PINX1: variants seen among roughly 807,000 people sequenced by gnomAD.
PINX1 encodes the protein PIN2/TERF1-interacting telomerase inhibitor 1.
Under a neutral mutation model 25.4 loss-of-function variants are expected in PINX1, and 34 were observed. That is an observed-to-expected ratio of 1.34 (90% CI 1.02 to 1.78). The LOEUF (loss-of-function observed/expected upper bound fraction) is 1.78, where lower values mean the gene tolerates loss of function less well. PINX1 is among the 40% of genes most tolerant of loss of function. The pLI is 0.00. For missense variants in PINX1, 592 were observed against 404.9 expected, an observed-to-expected ratio of 1.46 and a Z score of -3.97; for synonymous variants, 197 against 147.7, an observed-to-expected ratio of 1.33 and a Z score of -2.42.
intron 6 of PINX1, among the ~76,000 whole-genome samples, chr8:10,792,867 A>G (rs1196397852): frequency 6.6e-6 from 1 of 152,160 alleles, no homozygotes; most frequent in African/African-American, 2.4e-5. Context: ...TAGTGTGAGT[A>G]TACACAATAC....
chr8:10,836,759 A>C (rs1009121184), intron 1 of PINX1, among the ~76,000 whole-genome samples: 3 of 152,150 alleles, frequency 2.0e-5, no homozygotes, highest in African/African-American at 7.2e-5. Flanking sequence ...ATATGGAAGA[A>C]TCTCCCGGAA....
chr8:10,839,794 G>A lies in PINX1; in HGVS notation c.-38C>T, dbSNP rs1798515874. 1 of 1,592,216 alleles carries A rather than the reference G, an allele frequency of 6.3e-7. No individual in the cohort carries two copies. The highest frequency in any genetic ancestry group is 8.6e-7 in the Non-Finnish European group (1 of 1,168,022). ...GTGATACCGCCGCCTCTGGACCTGGGTGACTGCGGCCACTGGGCGGGCTGG... is the reference window on the plus strand; with the variant it reads ...GTGATACCGCCGCCTCTGGACCTGGATGACTGCGGCCACTGGGCGGGCTGG... On this transcript the variant is annotated 5_prime_UTR_variant, in exon 1 of 7. Transcript: ENST00000314787.
intron 1 of PINX1, among the ~76,000 whole-genome samples, chr8:10,837,375 G>C (rs1002077218): frequency 6.6e-6 from 1 of 152,218 alleles, no homozygotes; most frequent in South Asian, 2.1e-4. Flanking sequence ...GCCTGGCTTA[G>C]CCTGGACTTT....
intron 1 of PINX1, among the ~76,000 whole-genome samples, chr8:10,838,178 T>C (rs1313831866): frequency 6.6e-6 from 1 of 152,276 alleles, no homozygotes; most frequent in Non-Finnish European, 1.5e-5. Flanking sequence ...TCTTGAATCA[T>C]TCTTTGCTCA....
chr8:10,813,658 A>G (rs941405557), intron 6 of PINX1, among the ~76,000 whole-genome samples: 5 of 152,232 alleles, frequency 3.3e-5, no homozygotes, highest in Non-Finnish European at 7.3e-5. Context: ...TTGATTTGGT[A>G]TCCTGGGAGA....
In PINX1 at chr8:10,765,674, T is replaced by G; in HGVS notation, c.714A>C (p.Gly238=). The G allele has an allele frequency of 1.2e-6, 2 of 1,614,036 alleles. No homozygotes were observed. Among genetic ancestry groups the G allele is most frequent in the Admixed American group, 3.3e-5 (2 of 60,030 alleles). ...LQPKAKRHTE[G]KPERAEAQER... The stretch of plus-strand genomic sequence containing the variant: ...CCTGGGCCTCGGCCCTCTCGGGCTT[T>G]CCCTCCGTGTGCCTCTTGGCCTTAG... The change falls in exon 7 of 7, where the codon GGA becomes GGC. Residue 238 remains glycine, a synonymous_variant. Transcript: ENST00000314787.
intron 6 of PINX1, among the ~76,000 whole-genome samples, chr8:10,782,423 A>AC (rs1453921742): frequency 1.4e-5 from 2 of 143,162 alleles, no homozygotes; most frequent in African/African-American, 5.0e-5. Context: ...TACTCGATAA[A>AC]AAAAAAAATT....
chr8:10,799,440 C>T (rs1311355680), intron 6 of PINX1, among the ~76,000 whole-genome samples: 1 of 152,200 alleles, frequency 6.6e-6, no homozygotes, highest in African/African-American at 2.4e-5. Context: ...TTCCATCCTT[C>T]TTCTGCCTGG....
At chr8:10,781,249 A>G (rs984791981) in intron 6 of PINX1, among the ~76,000 whole-genome samples, 1 of 152,232 alleles carries the variant, frequency 6.6e-6, no homozygotes, top group Non-Finnish European at 1.5e-5. Context: ...TTAAACTCCC[A>G]GAAGAAAACA....
Position 10,777,070 on chromosome 8 carries a change from C to G in PINX1, c.472-11154G>C, listed in dbSNP as rs1368439187. On this transcript the variant is annotated intron_variant, in intron 6 of 6. Coordinates refer to ENST00000314787, the MANE Select transcript of PINX1 (RefSeq NM_017884.6). The stretch of plus-strand genomic sequence containing the variant: ...ACCACTTGCTTCATCTGTCAACAAA[C>G]AAAAAGCCAAATCTAATCCTTTCAG... Among the ~76,000 whole-genome samples, 5 of 152,218 alleles carry G rather than the reference C, an allele frequency of 3.3e-5. No individual in the cohort carries two copies. The East Asian group carries it at 7.7e-4, about 23-fold the overall frequency.
intron 6 of PINX1, among the ~76,000 whole-genome samples, chr8:10,795,238 G>C (rs1204124824): frequency 2.0e-5 from 3 of 152,210 alleles, no homozygotes; most frequent in Non-Finnish European, 4.4e-5. Context: ...CCTCTGCCAA[G>C]TTCAGTTCAT....
intron 4 of PINX1, among the ~76,000 whole-genome samples, chr8:10,829,956 T>C (rs767558799): frequency 1.3e-5 from 2 of 152,228 alleles, no homozygotes; most frequent in Non-Finnish European, 2.9e-5. Context: ...AGTGCTGGTA[T>C]TACACCGTGC....
At chr8:10,777,116 G>T (rs1361668552) in intron 6 of PINX1, among the ~76,000 whole-genome samples, 1 of 152,192 alleles carries the variant, frequency 6.6e-6, no homozygotes, top group Non-Finnish European at 1.5e-5. Context: ...TCCTGGTGAA[G>T]CTCTAACCAA....
At chr8:10,802,449 T>G (rs1481675996) in intron 6 of PINX1, among the ~76,000 whole-genome samples, 1 of 152,232 alleles carries the variant, frequency 6.6e-6, no homozygotes, top group Admixed American at 6.5e-5. Flanking sequence ...ATCCCAGGCC[T>G]GGAATAGCTT....
chr8:10,806,394 CA>C (rs1272255540), intron 6 of PINX1, among the ~76,000 whole-genome samples: 1 of 150,218 alleles, frequency 6.7e-6, no homozygotes, highest in Non-Finnish European at 1.5e-5. Flanking sequence ...GAGGAGCAAA[CA>C]GAGTAAGTTT....
Position 10,826,158 on chromosome 8 carries a change from T to C in PINX1, c.388A>G (p.Thr130Ala), listed in dbSNP as rs750600531. 6 of 1,534,618 alleles carry C rather than the reference T, an allele frequency of 3.9e-6. No individual in the cohort carries two copies. The highest frequency in any genetic ancestry group is 5.4e-6 in the Non-Finnish European group (6 of 1,116,104). ...SKNRVHYMKF[T>A]KGKDLSSRSK... The stretch of plus-strand genomic sequence containing the variant: ...AAGAAATGCTTAATCTTACCTTTTG[T>C]GAATTTCATATAGTGAACACGGTTT... Residue 130 changes from threonine (T) to alanine (A), a missense_variant, in exon 5 of 7, where the codon ACA becomes GCA. By Grantham distance (58) the Thr-to-Ala change is moderately conservative. Transcript: ENST00000314787.
At chr8:10,773,933 C>T (rs1414500146) in intron 6 of PINX1, among the ~76,000 whole-genome samples, 4 of 152,220 alleles carry the variant, frequency 2.6e-5, no homozygotes, top group African/African-American at 9.7e-5. Flanking sequence ...GAGGCTCCTC[C>T]AGAGCTGGAG....
chr8:10,789,193 T>C lies in PINX1; in HGVS notation c.472-23277A>G, dbSNP rs114562143. On this transcript the variant is annotated intron_variant, in intron 6 of 6. Transcript: ENST00000314787. The stretch of plus-strand genomic sequence containing the variant: ...CTCCAAGGCTGACGGTAACTGACCA[T>C]GTAACTACAGTGTAACTGAGGGGAC... 3.4e-3 allele frequency among the ~76,000 whole-genome samples: 514 copies of C among 152,288 alleles called. 3 individuals are homozygous for C. The highest frequency in any genetic ancestry group is 0.012 in the African/African-American group (480 of 41,556).
At chr8:10,786,543 T>C (rs1456558970) in intron 6 of PINX1, among the ~76,000 whole-genome samples, 2 of 152,146 alleles carry the variant, frequency 1.3e-5, no homozygotes, top group African/African-American at 4.8e-5. Context: ...TCCAGCCTAC[T>C]TTAGGAAAAT....
Sources: gnomAD v4.1 joint callset for allele counts (sites outside exome capture counted in the v4.1 genomes callset) on GRCh38, gnomAD v4.1.1 for gene constraint, MANE v1.5 for transcripts, NCBI Gene and HGNC (gene_info 2026-07-23, HGNC 2026-07-21) for gene names.